Variants in PPARGC1A observed in about 807,000 individuals in gnomAD.
PPARGC1A encodes peroxisome proliferator-activated receptor gamma coactivator 1-alpha.
In PPARGC1A, 25 loss-of-function variants were observed where a neutral mutation model predicts 88.7. The observed-to-expected ratio is 0.28, with a 90% CI of 0.21 to 0.39. PPARGC1A has a LOEUF of 0.39. PPARGC1A is among the 10% of genes least tolerant of loss of function. The probability of loss-of-function intolerance (pLI) is 1.00; values close to 1 mark genes in which losing one functional copy is unlikely to be tolerated. For missense variants in PPARGC1A, 880 were observed against 968.7 expected, an observed-to-expected ratio of 0.91 and a Z score of 1.22; for synonymous variants, 363 against 355.6, an observed-to-expected ratio of 1.02 and a Z score of -0.24.
At chr4:23,982,478 C>T in the PPARGC1A span, among the ~76,000 whole-genome samples, 2 of 150,692 alleles carry the variant, frequency 1.3e-5, no homozygotes, top group Non-Finnish European at 2.9e-5. Flanking sequence ...CACCCACATC[C>T]CATTGACTAG....
At chr4:23,961,391 T>C in the PPARGC1A span, among the ~76,000 whole-genome samples, 3 of 152,284 alleles carry the variant, frequency 2.0e-5, no homozygotes, top group Admixed American at 6.5e-5. Flanking sequence ...ACAGAAACCA[T>C]AGGACAGTGG....
chr4:23,964,695 T>C, the PPARGC1A span, among the ~76,000 whole-genome samples: 18 of 152,044 alleles, frequency 1.2e-4, no homozygotes, highest in African/African-American at 1.9e-4. Flanking sequence ...GTGTGTGCAA[T>C]GAGAAAAGAG....
chr4:24,263,456 TACACACACACAC>T, the PPARGC1A span, among the ~76,000 whole-genome samples: 127 of 150,188 alleles, frequency 8.5e-4, 1 homozygote, highest in Admixed American at 1.6e-3. Context: ...TGTGGGTGTA[TACACACACACAC>T]ACACACACAC....
the PPARGC1A span, among the ~76,000 whole-genome samples, chr4:24,380,242 G>A: frequency 6.6e-6 from 1 of 152,094 alleles, no homozygotes; most frequent in African/African-American, 2.4e-5. Flanking sequence ...CAGGGTAGAA[G>A]GAAGAAAACC....
At chr4:24,422,796 A>G in the PPARGC1A span, among the ~76,000 whole-genome samples, 2 of 152,172 alleles carry the variant, frequency 1.3e-5, no homozygotes, top group African/African-American at 2.4e-5. Context: ...TTCTGAAACA[A>G]TGGGTAGGCT....
the PPARGC1A span, among the ~76,000 whole-genome samples, chr4:24,346,023 A>G: frequency 6.6e-6 from 1 of 152,210 alleles, no homozygotes; most frequent in African/African-American, 2.4e-5. Flanking sequence ...CTTTTTCTGC[A>G]TCTACTGAGA....
chr4:24,432,343 G>T, the PPARGC1A span, among the ~76,000 whole-genome samples: 1 of 152,168 alleles, frequency 6.6e-6, no homozygotes, highest in African/African-American at 2.4e-5. Context: ...GATGAGGGAA[G>T]ATTTTCTGCA....
chr4:23,910,343 A>ATATATATTATATATTATAT, the PPARGC1A span, among the ~76,000 whole-genome samples: 1 of 58,876 alleles, frequency 1.7e-5, no homozygotes, highest in African/African-American at 9.8e-5. Flanking sequence ...TATATATATT[A>ATATATATTATATATTATAT]TATATTATAT....
chr4:24,438,489 C>A, the PPARGC1A span, among the ~76,000 whole-genome samples: 1 of 152,134 alleles, frequency 6.6e-6, no homozygotes, highest in Non-Finnish European at 1.5e-5. Context: ...AAAGTTTATT[C>A]CCAATAATAA....
chr4:24,138,104 T>TG, the PPARGC1A span, among the ~76,000 whole-genome samples: 1 of 152,180 alleles, frequency 6.6e-6, no homozygotes, highest in Non-Finnish European at 1.5e-5. Context: ...CCCACACCCC[T>TG]GGTCTGTGTG....
chr4:23,859,775 C>A (rs998470715), intron 2 of PPARGC1A, among the ~76,000 whole-genome samples: 1 of 143,232 alleles, frequency 7.0e-6, no homozygotes, highest in African/African-American at 2.6e-5. Context: ...TGCAAGACAC[C>A]GTCTCAAAAT....
At chr4:24,283,054 C>T in the PPARGC1A span, among the ~76,000 whole-genome samples, 2 of 152,118 alleles carry the variant, frequency 1.3e-5, no homozygotes, top group Non-Finnish European at 2.9e-5. Context: ...CAGTCGCTGG[C>T]CCTCACTTCT....
chr4:24,374,535 C>T, the PPARGC1A span, among the ~76,000 whole-genome samples: 3 of 150,758 alleles, frequency 2.0e-5, no homozygotes, highest in East Asian at 2.0e-4. Flanking sequence ...CAAACCTGCA[C>T]GTGTACCCCT....
chr4:24,091,512 C>G, the PPARGC1A span: 2 of 985,374 alleles, frequency 2.0e-6, no homozygotes, highest in Non-Finnish European at 2.4e-6. Flanking sequence ...CAGTCTTCTT[C>G]CAGCCTTGGG....
At chr4:24,408,281 A>G in the PPARGC1A span, among the ~76,000 whole-genome samples, 2 of 152,108 alleles carry the variant, frequency 1.3e-5, no homozygotes, top group African/African-American at 4.8e-5. Context: ...GACAGGAAAT[A>G]TCTTAGAATA....
chr4:24,216,428 A>G, the PPARGC1A span, among the ~76,000 whole-genome samples: 2 of 152,228 alleles, frequency 1.3e-5, no homozygotes, highest in South Asian at 2.1e-4. Flanking sequence ...GATTACAGGC[A>G]TGAGCCATCA....
At chr4:24,183,162 G>A in the PPARGC1A span, among the ~76,000 whole-genome samples, 3 of 152,326 alleles carry the variant, frequency 2.0e-5, no homozygotes, top group South Asian at 4.1e-4. Context: ...CTGGCACATG[G>A]TAAGTCTCTA....
the PPARGC1A span, among the ~76,000 whole-genome samples, chr4:24,470,285 C>CACAG: frequency 7.8e-6 from 1 of 127,736 alleles, no homozygotes; most frequent in Non-Finnish European, 1.7e-5. This position sits in a 1 kb window ranked among gnomAD's most constrained non-coding sequence, Gnocchi z 5.8. Flanking sequence ...CAGACACACA[C>CACAG]ACACACACAC....
the PPARGC1A span, among the ~76,000 whole-genome samples, chr4:24,217,055 G>A: frequency 6.6e-6 from 1 of 152,180 alleles, no homozygotes; most frequent in Non-Finnish European, 1.5e-5. Context: ...GCAGACTCCG[G>A]AATGACGGCA....
Sources: gnomAD v4.1 joint callset for allele counts (sites outside exome capture counted in the v4.1 genomes callset) on GRCh38, gnomAD v4.1.1 for gene constraint, Gnocchi (gnomAD v3.1) non-coding constraint, MANE v1.5 for transcripts, NCBI Gene and HGNC (gene_info 2026-07-23, HGNC 2026-07-21) for gene names.